TANC2: variants seen among roughly 807,000 people sequenced by gnomAD.
TANC2 encodes protein TANC2.
TANC2 carries 26 observed loss-of-function variants against 210.5 expected under a neutral mutation model. The ratio of observed to expected loss-of-function variants is 0.12; its 90% confidence interval spans 0.09 to 0.17. The LOEUF is 0.17. Among genes scored for constraint, TANC2 ranks in the 10% least tolerant of loss-of-function variants. TANC2 has a pLI of 1.00. For synonymous variants in TANC2, 931 were observed against 967.1 expected (o/e 0.96, Z 0.69); for missense variants, 2,129 against 2,608.9 (o/e 0.82, Z 4.01).
At chr17:63,062,496 C>G (rs1304897916) in intron 2 of TANC2, among the ~76,000 whole-genome samples, 3 of 152,182 alleles carry the variant, frequency 2.0e-5, no homozygotes, top group African/African-American at 7.2e-5. Flanking sequence ...TCTGAACTTT[C>G]TACTGCAGGC....
intron 4 of TANC2, among the ~76,000 whole-genome samples, chr17:63,137,132 A>C (rs1287425849): frequency 1.3e-5 from 2 of 152,170 alleles, no homozygotes; most frequent in Admixed American, 6.6e-5. Flanking sequence ...CTTGTTAAAA[A>C]CCTGGAGCAT....
chr17:63,396,050 C>A, intron 18 of TANC2, 122 bp downstream of exon 18: 1 of 888,312 alleles, frequency 1.1e-6, no homozygotes, highest in Non-Finnish European at 1.7e-6. Context: ...GTGATCGCTG[C>A]TCTGAATAAT....
intron 1 of TANC2, among the ~76,000 whole-genome samples, chr17:62,990,184 G>T (rs1282751996): frequency 7.0e-6 from 1 of 143,740 alleles, no homozygotes; most frequent in African/African-American, 2.6e-5. Flanking sequence ...ACCAGAGGAG[G>T]GTTGTTCATA....
At chr17:63,086,033 T>A (rs896889444) in intron 3 of TANC2, among the ~76,000 whole-genome samples, 3 of 152,084 alleles carry the variant, frequency 2.0e-5, no homozygotes, top group Non-Finnish European at 4.4e-5. Flanking sequence ...AGGTTTGTTT[T>A]TTTTTTAACC....
chr17:63,225,013 G>A (rs1015301310), intron 7 of TANC2, among the ~76,000 whole-genome samples: 2 of 151,860 alleles, frequency 1.3e-5, no homozygotes, highest in African/African-American at 2.4e-5. Context: ...TTTTAATTAG[G>A]ATTTAAACAT....
intron 15 of TANC2, among the ~76,000 whole-genome samples, chr17:63,383,904 A>T (rs149228533): frequency 6.6e-6 from 1 of 152,198 alleles, no homozygotes; most frequent in Non-Finnish European, 1.5e-5. Context: ...AGAAACCACT[A>T]TTCTTTTCTT....
intron 9 of TANC2, among the ~76,000 whole-genome samples, chr17:63,312,372 A>G (rs1300110740): frequency 3.3e-5 from 5 of 152,184 alleles, no homozygotes; most frequent in African/African-American, 1.2e-4. Flanking sequence ...ACCATGGAAT[A>G]CTATATAGCC....
intron 1 of TANC2, among the ~76,000 whole-genome samples, chr17:62,980,030 C>T (rs2032221889): frequency 6.6e-6 from 1 of 152,202 alleles, no homozygotes; most frequent in African/African-American, 2.4e-5. Flanking sequence ...TTGTCTGACC[C>T]CAGTTTTCAC....
chr17:63,307,364 C>G (rs1163090363), intron 9 of TANC2, among the ~76,000 whole-genome samples: 1 of 152,168 alleles, frequency 6.6e-6, no homozygotes, highest in Admixed American at 6.5e-5. Context: ...GAGCTCCTTA[C>G]TCTTCTCACC....
intron 14 of TANC2, among the ~76,000 whole-genome samples, chr17:63,373,478 A>C (rs369569669): frequency 6.6e-6 from 1 of 152,154 alleles, no homozygotes; most frequent in African/African-American, 2.4e-5. Context: ...TAGTGTGGTA[A>C]TTGAACTAGA....
At chr17:63,358,307 T>G (rs2046837110) in intron 14 of TANC2, among the ~76,000 whole-genome samples, 1 of 151,600 alleles carries the variant, frequency 6.6e-6, no homozygotes, top group Non-Finnish European at 1.5e-5. Flanking sequence ...AGATGTATCG[T>G]TGTCTCATTG....
At chr17:63,218,007 A>G (rs1306226309) in intron 7 of TANC2, among the ~76,000 whole-genome samples, 4 of 152,168 alleles carry the variant, frequency 2.6e-5, no homozygotes, top group Non-Finnish European at 5.9e-5. Flanking sequence ...AGCATTGGTT[A>G]GGCACGGTGG....
intron 9 of TANC2, among the ~76,000 whole-genome samples, chr17:63,296,044 A>G (rs926593052): frequency 6.6e-6 from 1 of 152,148 alleles, no homozygotes; most frequent in African/African-American, 2.4e-5. Flanking sequence ...TTTTCCATCA[A>G]GGGCTCTCAG....
chr17:63,167,808 C>G (rs1247840000), intron 5 of TANC2, among the ~76,000 whole-genome samples: 1 of 143,100 alleles, frequency 7.0e-6, no homozygotes, highest in Non-Finnish European at 1.5e-5. Context: ...TCACTTGAGT[C>G]CAGGAGGCAG....
At chr17:63,305,647 G>A (rs768649773) in intron 9 of TANC2, 1 of 152,226 alleles carries the variant, frequency 6.6e-6, no homozygotes, top group Non-Finnish European at 1.5e-5. Context: ...ATGTTAATAA[G>A]TAGTGTAAGT....
chr17:63,422,019 A>G, exon 28 of TANC2: 1 of 1,524,064 alleles, frequency 6.6e-7, no homozygotes, highest in South Asian at 1.3e-5. Flanking sequence ...TGGTTTCCAC[A>G]TTCGAGGTAG....
intron 8 of TANC2, among the ~76,000 whole-genome samples, chr17:63,241,890 C>T (rs890984966): frequency 1.3e-5 from 2 of 152,042 alleles, no homozygotes; most frequent in African/African-American, 2.4e-5. Context: ...AGACACTAAA[C>T]GGATTTGAAA....
At chr17:63,134,948 G>A (rs551112511) in intron 4 of TANC2, among the ~76,000 whole-genome samples, 39 of 152,304 alleles carry the variant, frequency 2.6e-4, no homozygotes, top group African/African-American at 8.7e-4. Context: ...CATCTAGCCT[G>A]TTACTGTGGC....
chr17:63,109,959 G>T (rs1392214060), intron 4 of TANC2, among the ~76,000 whole-genome samples: 1 of 151,660 alleles, frequency 6.6e-6, no homozygotes, highest in African/African-American at 2.4e-5. Context: ...CTACTTTTCT[G>T]TAGCTTAAAA....
Sources: gnomAD v4.1 joint callset for allele counts (sites outside exome capture counted in the v4.1 genomes callset) on GRCh38, gnomAD v4.1.1 for gene constraint, MANE v1.5 for transcripts, NCBI Gene and HGNC (gene_info 2026-07-23, HGNC 2026-07-21) for gene names.